POF1B: variants seen among roughly 807,000 people sequenced by gnomAD.
The protein encoded by POF1B is protein POF1B.
A neutral mutation model predicts 55.3 loss-of-function variants in POF1B; 53 were observed. That is an observed-to-expected ratio of 0.96 (90% confidence interval 0.77 to 1.20). POF1B has a LOEUF of 1.20. POF1B is among the 50% of genes most tolerant of loss of function. The pLI is 0.00. For missense variants in POF1B, 478 were observed against 420.5 expected, an observed-to-expected ratio of 1.14 and a Z score of -1.20; for synonymous variants, 188 against 148.3, an observed-to-expected ratio of 1.27 and a Z score of -1.95.
At chrX:85,288,478 T>A (rs1932104126) in intron 15 of POF1B, among the ~76,000 whole-genome samples, 1 of 111,599 alleles carries the variant, frequency 9.0e-6, no homozygotes, top group Non-Finnish European at 1.9e-5. Context: ...ACAGAGATTG[T>A]CACTGGAAAA....
rs756930278 is a variant in POF1B, at chrX:85,379,377, C to T, written c.78G>A (p.Gln26=). 4 of 1,210,084 alleles carry T rather than the reference C, an allele frequency of 3.3e-6. No homozygotes were observed. The highest frequency in any genetic ancestry group is 1.8e-5 in the South Asian group (1 of 56,778). Residue 26 remains glutamine, a synonymous_variant, in exon 2 of 17, where the codon CAG becomes CAA. Transcript: ENST00000262753. ...GATGGTAGCAGTGGTAATGCTGGGG[C>T]TGGCACTGCAGCACCTCTGGGAGCT... ...TQQLPEVLQC[Q]PQHYHCYHQS...
intron 3 of POF1B, among the ~76,000 whole-genome samples, chrX:85,366,481 T>A (rs1256218539): frequency 9.0e-6 from 1 of 111,454 alleles, no homozygotes. Context: ...GTTCTAAAAT[T>A]TACTACAACA....
At chrX:85,342,150 A>G (rs1388616366) in intron 6 of POF1B, among the ~76,000 whole-genome samples, 2 of 111,788 alleles carry the variant, frequency 1.8e-5, no homozygotes, top group Middle Eastern at 4.2e-3. Flanking sequence ...TAATTTCTTC[A>G]GGGAAGTATA....
chrX:85,283,709 G>A (rs185856111), intron 15 of POF1B, among the ~76,000 whole-genome samples: 175 of 109,412 alleles, frequency 1.6e-3, no homozygotes, highest in African/African-American at 5.7e-3. Flanking sequence ...CTCAGTGAAC[G>A]TGAAAAAAAG....
chrX:85,363,369 G>A (rs1933660757), intron 3 of POF1B, among the ~76,000 whole-genome samples: 1 of 108,119 alleles, frequency 9.2e-6, no homozygotes, highest in Non-Finnish European at 1.9e-5. Flanking sequence ...TCTAACTTCT[G>A]GTTGTGGGTG....
intron 16 of POF1B, 197 bp downstream of exon 16, chrX:85,282,006 T>G: frequency 2.9e-6 from 1 of 345,364 alleles, no homozygotes; most frequent in Non-Finnish European, 4.5e-6. Context: ...TATTATAGCT[T>G]AAATAATCAA....
At position 85,304,390 on chromosome X, in the gene POF1B, T is replaced by C; in HGVS notation, c.1519A>G (p.Thr507Ala). 8.4e-7 allele frequency: 1 copy of C among 1,194,155 alleles called. No individual in the cohort carries two copies. Among genetic ancestry groups the C allele is most frequent in the Non-Finnish European group, 1.1e-6 (1 of 884,589 alleles). ...GAATCCTTCTCTTCCAGCAAGCTTG[T>C]CAGTTCATGAAGCTTAAATTGGAAG... Reference protein sequence around the residue: ...SDFQFKLHELTSLLEEKDSLI... With the variant: ...SDFQFKLHELASLLEEKDSLI... The change falls in exon 14 of 17, where the codon ACA (threonine) becomes GCA (alanine). Residue 507 changes from threonine to alanine, a missense_variant. Coordinates refer to ENST00000262753, the MANE Select transcript of POF1B (RefSeq NM_024921.4).
intron 3 of POF1B, among the ~76,000 whole-genome samples, chrX:85,360,104 A>C (rs1346374394): frequency 1.8e-5 from 2 of 109,790 alleles, no homozygotes; most frequent in African/African-American, 6.6e-5. Context: ...ATGGGAAAAG[A>C]GTTTTTTTGG....
At chrX:85,312,604 A>G (rs1170106708) in intron 9 of POF1B, among the ~76,000 whole-genome samples, 1 of 111,504 alleles carries the variant, frequency 9.0e-6, no homozygotes, top group Non-Finnish European at 1.9e-5. Flanking sequence ...GAAGTCAGGT[A>G]GCATGATGCC....
At chrX:85,375,175 C>CA (rs201195019) in intron 2 of POF1B, among the ~76,000 whole-genome samples, 1,334 of 111,348 alleles carry the variant, frequency 0.012, 17 homozygotes, top group African/African-American at 0.041. Context: ...TATTGAAAAT[C>CA]AAAAAATGAC....
intron 2 of POF1B, among the ~76,000 whole-genome samples, chrX:85,377,061 T>A (rs1933934880): frequency 8.9e-6 from 1 of 112,137 alleles, no homozygotes; most frequent in Non-Finnish European, 1.9e-5. Context: ...ATTAGGCTAA[T>A]TGCTACACAT....
chrX:85,307,185 C>G lies in POF1B; in HGVS notation c.1142G>C (p.Arg381Thr). The G allele has an allele frequency of 8.3e-7, 1 of 1,204,978 alleles. No individual in the cohort carries two copies. Among genetic ancestry groups the G allele is most frequent in the Non-Finnish European group, 1.1e-6 (1 of 891,443 alleles). The change falls in exon 11 of 17, where the codon AGA becomes ACA. Residue 381 changes from arginine to threonine, a missense_variant. Arg to Thr is a moderately conservative substitution (Grantham distance 71). Coordinates refer to ENST00000262753, the MANE Select transcript of POF1B (RefSeq NM_024921.4). Reference sequence around the variant, plus strand: ...TACCTGCTGCTGGTGATTATTTGCTCTCACTGATGCCAAGAGTTCTTCGTA... The same window carrying G: ...TACCTGCTGCTGGTGATTATTTGCTGTCACTGATGCCAAGAGTTCTTCGTA... Reference protein sequence around the residue: ...KEYEELLASVRANNHQQQQGL... With the variant: ...KEYEELLASVTANNHQQQQGL...
Position 85,314,444 on chromosome X carries a change from G to A in POF1B, c.945C>T (p.Arg315=), listed in dbSNP as rs969274259. The A allele has an allele frequency of 8.4e-7, 1 of 1,196,137 alleles. No homozygotes were observed. Residue 315 remains arginine, a synonymous_variant, in exon 9 of 17, where the codon CGC becomes CGT. Transcript: ENST00000262753. ...GACCCCAACTCACCTGCAGAATGTAGCGTATTTGCTGTTTTGTAAACTCTG... is the reference window on the plus strand; with the variant it reads ...GACCCCAACTCACCTGCAGAATGTAACGTATTTGCTGTTTTGTAAACTCTG... ...GLSEFTKQQI[R]YILQMRGMSD... is the part of the protein sequence containing the mutation.
intron 7 of POF1B, among the ~76,000 whole-genome samples, chrX:85,317,119 C>A (rs1277542945): frequency 1.8e-5 from 2 of 109,596 alleles, no homozygotes; most frequent in African/African-American, 6.6e-5. Context: ...TTTATCCAGT[C>A]TATCATCAGT....
chrX:85,355,229 T>G (rs762161060), intron 4 of POF1B, among the ~76,000 whole-genome samples: 100 of 111,623 alleles, frequency 9.0e-4, no homozygotes, highest in South Asian at 4.9e-3. Context: ...ACTTAATAAA[T>G]GGTGCTGGGA....
At chrX:85,330,904 T>A in intron 7 of POF1B, 45 bp downstream of exon 7, 2 of 1,097,339 alleles carry the variant, frequency 1.8e-6, no homozygotes, top group Non-Finnish European at 2.4e-6. Flanking sequence ...TGTTGTAAAA[T>A]GTTTGGTAGC....
At chrX:85,297,225 A>G (rs552672787) in intron 15 of POF1B, among the ~76,000 whole-genome samples, 23 of 111,889 alleles carry the variant, frequency 2.1e-4, no homozygotes, top group African/African-American at 7.5e-4. Flanking sequence ...GCTTTCATTT[A>G]AGTCATTTCA....
At chrX:85,333,125 C>A (rs952321602) in intron 6 of POF1B, among the ~76,000 whole-genome samples, 4 of 110,524 alleles carry the variant, frequency 3.6e-5, no homozygotes, top group Non-Finnish European at 7.6e-5. Context: ...CAGTAGATTT[C>A]ACTCTTTGGG....
At chrX:85,346,549 TA>T (rs1280366470) in intron 5 of POF1B, among the ~76,000 whole-genome samples, 1 of 110,068 alleles carries the variant, frequency 9.1e-6, no homozygotes, top group Non-Finnish European at 1.9e-5. Context: ...TTAAAAAGAT[TA>T]AAAAAACCAG....
Sources: gnomAD v4.1 joint callset for allele counts (sites outside exome capture counted in the v4.1 genomes callset) on GRCh38, gnomAD v4.1.1 for gene constraint, MANE v1.5 for transcripts, NCBI Gene and HGNC (gene_info 2026-07-23, HGNC 2026-07-21) for gene names.